SGCG: variants seen among roughly 807,000 people sequenced by gnomAD.
SGCG encodes the protein sarcoglycan gamma, also known as gamma-sarcoglycan.
SGCG carries 26 observed loss-of-function variants against 29.3 expected under a neutral mutation model. The observed-to-expected ratio is 0.89, with a 90% confidence interval of 0.65 to 1.23. The LOEUF (loss-of-function observed/expected upper bound fraction) is 1.23. Among genes scored for constraint, SGCG ranks in the 50% most tolerant of loss-of-function variants. SGCG has a pLI of 0.00. For missense variants in SGCG, 353 were observed against 356.0 expected (o/e 0.99, Z 0.07); for synonymous variants, 145 against 129.7 (o/e 1.12, Z -0.80).
intron 2 of SGCG, among the ~76,000 whole-genome samples, chr13:23,207,178 A>G (rs542688922): frequency 3.3e-5 from 5 of 152,350 alleles, no homozygotes; most frequent in African/African-American, 1.2e-4. Flanking sequence ...TGTGTGATCA[A>G]CTGGTCTTTG....
At chr13:23,165,834 A>G in the SGCG span, among the ~76,000 whole-genome samples, 2 of 151,904 alleles carry the variant, frequency 1.3e-5, no homozygotes, top group Admixed American at 6.6e-5. Flanking sequence ...GCCTGTTTCA[A>G]ATTCTACTTG....
intron 5 of SGCG, among the ~76,000 whole-genome samples, chr13:23,281,010 C>T (rs899877870): frequency 2.0e-5 from 3 of 152,074 alleles, no homozygotes; most frequent in Non-Finnish European, 2.9e-5. Context: ...TGTATGCATG[C>T]ATCAGAGCCA....
chr13:23,313,169 CTT>C (rs11352200), intron 6 of SGCG, among the ~76,000 whole-genome samples: 32 of 145,972 alleles, frequency 2.2e-4, no homozygotes, highest in East Asian at 6.0e-4. Context: ...TCTTCTTCTT[CTT>C]TTTTTTTTTT....
chr13:23,279,613 C>T (rs1047283955), intron 5 of SGCG, 135 bp downstream of exon 5: 26 of 848,504 alleles, frequency 3.1e-5, no homozygotes, highest in Middle Eastern at 4.9e-4. Flanking sequence ...TTCTCCATTG[C>T]ATTTCTGTTG....
intron 6 of SGCG, among the ~76,000 whole-genome samples, chr13:23,318,890 C>T (rs2137524785): frequency 6.6e-6 from 1 of 152,356 alleles, no homozygotes; most frequent in Non-Finnish European, 1.5e-5. Context: ...TCACAAGGAT[C>T]TTCAAGGTCA....
At chr13:23,281,081 T>C (rs1217894840) in intron 5 of SGCG, among the ~76,000 whole-genome samples, 2 of 152,138 alleles carry the variant, frequency 1.3e-5, no homozygotes, top group East Asian at 3.9e-4. Flanking sequence ...ACACCTGTAA[T>C]CCCAGCACTT....
In SGCG at chr13:23,272,103, T is replaced by C. The variant is rs73436877; in HGVS notation, c.386-7256T>C. Among the ~76,000 whole-genome samples, 1,438 of 152,322 alleles carry C rather than the reference T, an allele frequency of 9.4e-3. 21 individuals are homozygous for C. Among genetic ancestry groups the C allele is most frequent in the African/African-American group, 0.032 (1,347 of 41,574 alleles). On this transcript the variant is annotated intron_variant, in intron 4 of 7. Coordinates refer to ENST00000218867, the MANE Select transcript of SGCG (RefSeq NM_000231.3). Reference sequence around the variant, plus strand: ...TACACTATTATATCATCTGCAAATATACAATGTTACTTTACTCAATCACAC... The same window carrying C: ...TACACTATTATATCATCTGCAAATACACAATGTTACTTTACTCAATCACAC...
intron 4 of SGCG, among the ~76,000 whole-genome samples, chr13:23,271,692 T>G (rs1880882780): frequency 6.6e-6 from 1 of 152,214 alleles, no homozygotes; most frequent in Non-Finnish European, 1.5e-5. Flanking sequence ...TTTGCATCAA[T>G]TTGCTCATTC....
At chr13:23,266,662 T>G (rs922960654) in intron 4 of SGCG, among the ~76,000 whole-genome samples, 4 of 152,058 alleles carry the variant, frequency 2.6e-5, no homozygotes, top group African/African-American at 7.2e-5. Context: ...TATACACACA[T>G]AACCAAAAAC....
intron 6 of SGCG, among the ~76,000 whole-genome samples, chr13:23,304,969 T>G (rs79489059): frequency 1.7e-4 from 20 of 116,698 alleles, no homozygotes; most frequent in East Asian, 5.5e-4. Context: ...GCTCACAGGC[T>G]TGCACGTGCT....
intron 4 of SGCG, among the ~76,000 whole-genome samples, chr13:23,265,460 C>T (rs1177027583): frequency 6.6e-6 from 1 of 152,060 alleles, no homozygotes; most frequent in Admixed American, 6.6e-5. Flanking sequence ...ACCTGTAGTC[C>T]CAGCTACTCA....
chr13:23,281,816 G>A (rs1198801911), intron 5 of SGCG, among the ~76,000 whole-genome samples: 4 of 152,152 alleles, frequency 2.6e-5, no homozygotes, highest in African/African-American at 9.7e-5. Context: ...AGGCAGTAAC[G>A]CTCGCTGGCC....
chr13:23,192,319 T>A (rs1237333841), intron 1 of SGCG, among the ~76,000 whole-genome samples: 1 of 152,168 alleles, frequency 6.6e-6, no homozygotes, highest in African/African-American at 2.4e-5. Flanking sequence ...TTCCCAGCTG[T>A]TCATGGAGTT....
At chr13:23,282,630 G>A (rs1881349263) in intron 5 of SGCG, among the ~76,000 whole-genome samples, 1 of 152,166 alleles carries the variant, frequency 6.6e-6, no homozygotes, top group Non-Finnish European at 1.5e-5. Flanking sequence ...ATAGTCTCCA[G>A]CTCCATCCAT....
At chr13:23,188,493 T>TC (rs1178024569) in intron 1 of SGCG, among the ~76,000 whole-genome samples, 1 of 148,502 alleles carries the variant, frequency 6.7e-6, no homozygotes, top group Non-Finnish European at 1.5e-5. Flanking sequence ...TTTTTTTTTT[T>TC]TTTTTTTTTG....
Position 23,322,634 on chromosome 13 carries a change from G to A in SGCG, c.703-1734G>A, listed in dbSNP as rs976131643. On this transcript the variant is annotated intron_variant, in intron 7 of 7. Transcript: ENST00000218867. ...GCAGTCAGGTGCATCTCCATACACC[G>A]GGTGAATGTGCTGGGATAAACATCC... Among the ~76,000 whole-genome samples the A allele has an allele frequency of 4.6e-5, 7 of 152,254 alleles. No homozygotes were observed. The South Asian group carries it at 1.2e-3, about 27-fold the overall frequency.
chr13:23,312,822 GA>G (rs147321237), intron 6 of SGCG, among the ~76,000 whole-genome samples: 1 of 149,862 alleles, frequency 6.7e-6, no homozygotes, highest in Non-Finnish European at 1.5e-5. Flanking sequence ...TGTGACATTT[GA>G]AAAAAAATGG....
At chr13:23,280,357 T>C (rs1593216905) in intron 5 of SGCG, among the ~76,000 whole-genome samples, 1 of 152,128 alleles carries the variant, frequency 6.6e-6, no homozygotes, top group Admixed American at 6.5e-5. Context: ...TGAAAACCAA[T>C]AGCAATGTTA....
chr13:23,312,728 C>G (rs1441371123), intron 6 of SGCG, among the ~76,000 whole-genome samples: 1 of 152,044 alleles, frequency 6.6e-6, no homozygotes, highest in African/African-American at 2.4e-5. Context: ...CAAAACGACA[C>G]TTGTACCCCC....
Sources: allele counts gnomAD v4.1 joint callset (sites outside exome capture counted in the v4.1 genomes callset), GRCh38; gene constraint gnomAD v4.1.1; transcripts MANE v1.5; gene names NCBI Gene and HGNC (gene_info 2026-07-23, HGNC 2026-07-21).